ANK1: variants seen among roughly 807,000 people sequenced by gnomAD.
ANK1 encodes ankyrin 1.
A neutral mutation model predicts 210.4 loss-of-function variants in ANK1; 51 were observed. The observed-to-expected ratio is 0.24, with a 90% CI of 0.19 to 0.31. ANK1 has a LOEUF of 0.31. Ranked by LOEUF, ANK1 falls within the 10% of genes least tolerant of loss-of-function variation. The pLI is 1.00. For missense variants in ANK1, 2,051 were observed against 2,504.4 expected, an observed-to-expected ratio of 0.82 and a Z score of 3.86; for synonymous variants, 967 against 1,025.9, an observed-to-expected ratio of 0.94 and a Z score of 1.10.
At chr8:41,870,055 G>C (rs1428782280) in intron 1 of ANK1, among the ~76,000 whole-genome samples, 1 of 152,018 alleles carries the variant, frequency 6.6e-6, no homozygotes, top group Non-Finnish European at 1.5e-5. Context: ...GTGCCCTAGA[G>C]GCCTAAAACC....
intron 2 of ANK1, among the ~76,000 whole-genome samples, chr8:41,741,231 T>G (rs750636636): frequency 6.6e-6 from 1 of 152,116 alleles, no homozygotes; most frequent in Non-Finnish European, 1.5e-5. Flanking sequence ...GAGGGAAAGA[T>G]CTGGAGAAGC....
intron 22 of ANK1, chr8:41,700,537 C>T: frequency 1.4e-6 from 2 of 1,393,534 alleles, no homozygotes; most frequent in African/African-American, 1.4e-5. Flanking sequence ...TCCAAAGGAG[C>T]ACCAGAAGCT....
chr8:41,697,468 A>C, intron 24 of ANK1, among the ~76,000 whole-genome samples: 1 of 150,972 alleles, frequency 6.6e-6, no homozygotes, highest in African/African-American at 2.4e-5. Flanking sequence ...CCCACATCTC[A>C]CCTCCTCCAC....
chr8:41,696,705 G>A lies in ANK1; in HGVS notation c.2706C>T (p.Ile902=), dbSNP rs1394526092. ...SSPATETSDN[I]SPVASPVHTG... is the part of the protein sequence containing the mutation. ...TATGCACCGGGCTGGCCACCGGGCTGATGTTGTCTGAGGTCTCGGTGGCCG... is the reference window on the plus strand; with the variant it reads ...TATGCACCGGGCTGGCCACCGGGCTAATGTTGTCTGAGGTCTCGGTGGCCG... The change falls in exon 25 of 43, where the codon ATC becomes ATT. Residue 902 remains isoleucine (I), a synonymous_variant. Transcript: ENST00000289734. The A allele has an allele frequency of 6.2e-7, 1 of 1,603,352 alleles. No individual in the cohort carries two copies. Among genetic ancestry groups the A allele is most frequent in the South Asian group, 1.1e-5 (1 of 91,070 alleles).
At chr8:41,853,299 T>C (rs1182429969) in intron 1 of ANK1, among the ~76,000 whole-genome samples, 2 of 152,220 alleles carry the variant, frequency 1.3e-5, no homozygotes, top group Non-Finnish European at 2.9e-5. Context: ...TACAAAAATG[T>C]CTGGCAACTT....
intron 9 of ANK1, among the ~76,000 whole-genome samples, chr8:41,721,473 A>G (rs1476776066): frequency 6.6e-6 from 1 of 152,044 alleles, no homozygotes; most frequent in East Asian, 1.9e-4. Flanking sequence ...CCTGGCTAAC[A>G]TGGTGAATCC....
intron 24 of ANK1, among the ~76,000 whole-genome samples, chr8:41,697,198 G>A (rs572841402): frequency 1.3e-5 from 2 of 152,200 alleles, no homozygotes; most frequent in Non-Finnish European, 1.5e-5. Context: ...AGCTGTGGGC[G>A]GACTACCTGC....
chr8:41,662,167 G>C (rs1808553768), intron 40 of ANK1, among the ~76,000 whole-genome samples: 1 of 151,878 alleles, frequency 6.6e-6, no homozygotes, highest in Non-Finnish European at 1.5e-5. Flanking sequence ...TGTGGCAGGA[G>C]AATCACTTGA....
At chr8:41,734,964 G>T (rs752989816) in intron 2 of ANK1, among the ~76,000 whole-genome samples, 4 of 152,120 alleles carry the variant, frequency 2.6e-5, no homozygotes, top group Non-Finnish European at 5.9e-5. Flanking sequence ...ACCAAAGAAG[G>T]CTGCCTGACA....
intron 26 of ANK1, among the ~76,000 whole-genome samples, chr8:41,695,662 A>C (rs1820701242): frequency 6.6e-6 from 1 of 152,240 alleles, no homozygotes; most frequent in African/African-American, 2.4e-5. Context: ...GGGTGACCTC[A>C]TCTATCAACT....
At chr8:41,703,969 G>T in intron 20 of ANK1, 72 bp downstream of exon 20, 1 of 1,399,130 alleles carries the variant, frequency 7.1e-7, no homozygotes, top group Non-Finnish European at 1.0e-6. Flanking sequence ...AACCTCTACG[G>T]TTAGGGGAGT....
At position 41,761,082 on chromosome 8, in the gene ANK1, C is replaced by T. The variant is rs528129673; in HGVS notation, c.28-2945G>A. On this transcript the variant is annotated intron_variant, in intron 1 of 42. Coordinates refer to ENST00000289734, the MANE Select transcript of ANK1 (RefSeq NM_000037.4). The stretch of plus-strand genomic sequence containing the variant: ...CCTAGGCTGGCCCTAAATTCAATGA[C>T]AAGTGTCCTTAGAAAAGACAGAAAA... 2.0e-5 allele frequency among the ~76,000 whole-genome samples: 3 copies of T among 151,878 alleles called. No homozygotes were observed. In the East Asian group the frequency reaches 5.8e-4, roughly 29 times the overall value.
chr8:41,679,816 G>A (rs1005215248), intron 37 of ANK1, among the ~76,000 whole-genome samples: 17 of 151,680 alleles, frequency 1.1e-4, no homozygotes, highest in East Asian at 7.8e-4. Flanking sequence ...CGCCCACCTC[G>A]GCCTCCCAAA....
intron 1 of ANK1, among the ~76,000 whole-genome samples, chr8:41,791,623 G>C (rs754253793): frequency 5.9e-5 from 9 of 152,074 alleles, no homozygotes; most frequent in Non-Finnish European, 4.4e-5. Flanking sequence ...GGCAGGGATG[G>C]GGTTTCACCA....
chr8:41,780,812 G>A (rs1050677475), intron 1 of ANK1, among the ~76,000 whole-genome samples: 1 of 152,156 alleles, frequency 6.6e-6, no homozygotes, highest in Non-Finnish European at 1.5e-5. Context: ...GTATGTATCT[G>A]TGCATGCATG....
Position 41,672,914 on chromosome 8 carries a change from T to C in ANK1, c.4538-2A>G. ...GCTCGTCCTGCAGTGAGGAGTAACC[T>C]GGATGGGCAGACAGAGGGCAACATG... is the stretch of plus-strand genomic sequence containing the variant. On this transcript the variant is annotated splice_acceptor_variant, in intron 37 of 42. Coordinates refer to ENST00000289734, the MANE Select transcript of ANK1 (RefSeq NM_000037.4). LOFTEE classifies it high-confidence loss of function. The C allele has an allele frequency of 2.5e-6, 4 of 1,598,196 alleles. No individual in the cohort carries two copies. Among genetic ancestry groups the C allele is most frequent in the Non-Finnish European group, 3.4e-6 (4 of 1,178,996 alleles).
rs1371358104 is a variant in ANK1 at position 41,703,448 on chromosome 8, ATATT to A, written c.2295+589_2295+592del. Among the ~76,000 whole-genome samples the A allele has an allele frequency of 1.4e-3, 85 of 60,172 alleles. No homozygotes were observed. The South Asian group carries it at 0.028, about 20-fold the overall frequency. 39.5% of individuals were successfully genotyped at this position (60,172 alleles called of 152,430 possible). A position where few individuals can be genotyped will look rare whatever the true frequency, so the allele number is the denominator to read the frequency against. ...TATATATATATATATATATATATATATATTTTTTTTTTTTTTTTAAGACACAAGG... is the reference window on the plus strand; with the variant it reads ...TATATATATATATATATATATATATATTTTTTTTTTTTTTAAGACACAAGG... On this transcript the variant is annotated intron_variant, in intron 20 of 42. Coordinates refer to ENST00000289734, the MANE Select transcript of ANK1 (RefSeq NM_000037.4).
At chr8:41,737,346 C>T (rs1833684788) in intron 2 of ANK1, among the ~76,000 whole-genome samples, 1 of 152,168 alleles carries the variant, frequency 6.6e-6, no homozygotes, top group African/African-American at 2.4e-5. Flanking sequence ...TTCTTTTTAT[C>T]AGATGATGAA....
In ANK1 at chr8:41,655,520, G is replaced by A. The variant is rs530516884; in HGVS notation, c.*270C>T. 6.0e-5 allele frequency: 35 copies of A among 581,584 alleles called. No homozygotes were observed. In the South Asian group the frequency reaches 8.1e-4, roughly 14 times the overall value. The allele number at this position is 581,584 out of a possible 1,614,324, so 36.0% of individuals were successfully genotyped here. A position where few individuals can be genotyped will look rare whatever the true frequency, so the allele number is the denominator to read the frequency against. On this transcript the variant is annotated 3_prime_UTR_variant, in exon 43 of 43. Transcript: ENST00000289734. ...TCTCCCCGCTTCTTGCTGCTTTTGT[G>A]TCCTGGTTCCGACAGATCAGCTGTC...
Sources: gnomAD v4.1 joint callset for allele counts (sites outside exome capture counted in the v4.1 genomes callset) on GRCh38, gnomAD v4.1.1 for gene constraint, MANE v1.5 for transcripts, NCBI Gene and HGNC (gene_info 2026-07-23, HGNC 2026-07-21) for gene names.